The following RNF216 variants were observed in gnomAD, a reference collection of about 807,000 sequenced individuals.
The protein encoded by RNF216 is E3 ubiquitin-protein ligase RNF216.
In RNF216, 72 loss-of-function variants were observed where a neutral mutation model predicts 110.8. The observed-to-expected ratio is 0.65, with a 90% CI of 0.54 to 0.79. The LOEUF is 0.79. RNF216 is among the 30% of genes least tolerant of loss of function. The probability of loss-of-function intolerance (pLI) is 0.00; values close to 1 mark genes in which losing one functional copy is unlikely to be tolerated. For synonymous variants in RNF216, 495 were observed against 407.5 expected (o/e 1.21, Z -2.59); for missense variants, 1,342 against 1,141.2 (o/e 1.18, Z -2.54).
chr7:5,716,822 C>T, intron 9 of RNF216, 56 bp from the exon 10 acceptor site: 2 of 1,315,818 alleles, frequency 1.5e-6, no homozygotes, highest in Non-Finnish European at 2.2e-6. Context: ...ATGACACTAA[C>T]CATTTAGTAT....
intron 10 of RNF216, among the ~76,000 whole-genome samples, chr7:5,716,045 T>C (rs1367565954): frequency 6.6e-6 from 1 of 152,016 alleles, no homozygotes; most frequent in Admixed American, 6.6e-5. Flanking sequence ...CCAGCCCCAT[T>C]CTTTTATTTA....
chr7:5,697,326 C>T (rs1791693243), intron 13 of RNF216, among the ~76,000 whole-genome samples: 3 of 152,352 alleles, frequency 2.0e-5, no homozygotes, highest in South Asian at 4.1e-4. Flanking sequence ...TGCCCTTTCT[C>T]TTTCTTACTC....
intron 8 of RNF216, among the ~76,000 whole-genome samples, chr7:5,721,938 T>C (rs369516612): frequency 6.6e-4 from 100 of 152,366 alleles, no homozygotes; most frequent in African/African-American, 2.1e-3. Flanking sequence ...GATTTTCTTT[T>C]TGGAGACAGA....
At chr7:5,714,844 A>G (rs1197232822) in intron 11 of RNF216, among the ~76,000 whole-genome samples, 1 of 152,200 alleles carries the variant, frequency 6.6e-6, no homozygotes, top group African/African-American at 2.4e-5. Context: ...TAGGCGTGGG[A>G]GTGTGGAAGA....
chr7:5,705,254 A>G (rs543989057), intron 13 of RNF216, among the ~76,000 whole-genome samples: 1 of 152,276 alleles, frequency 6.6e-6, no homozygotes, highest in East Asian at 1.9e-4. Context: ...TGTCTCCCCT[A>G]AAAACTCAAC....
intron 13 of RNF216, among the ~76,000 whole-genome samples, chr7:5,706,910 TAA>T (rs1464288725): frequency 1.3e-5 from 2 of 152,186 alleles, no homozygotes; most frequent in Non-Finnish European, 2.9e-5. Context: ...GTCTTACACT[TAA>T]GTCTTTAATC....
intron 2 of RNF216, among the ~76,000 whole-genome samples, chr7:5,756,470 C>T (rs982174400): frequency 6.6e-6 from 1 of 152,188 alleles, no homozygotes; most frequent in African/African-American, 2.4e-5. Flanking sequence ...TCTTGGTTCC[C>T]TGCAACCTCC....
intron 13 of RNF216, among the ~76,000 whole-genome samples, chr7:5,693,190 C>T (rs1447443778): frequency 6.6e-6 from 1 of 152,234 alleles, no homozygotes; most frequent in African/African-American, 2.4e-5. Flanking sequence ...TATACTGGGA[C>T]ACAGCCACAT....
intron 1 of RNF216, among the ~76,000 whole-genome samples, chr7:5,764,307 T>G (rs779566862): frequency 6.8e-6 from 1 of 147,610 alleles, no homozygotes; most frequent in African/African-American, 2.5e-5. Context: ...AAACCACACA[T>G]AAAAATGTCA....
intron 1 of RNF216, among the ~76,000 whole-genome samples, chr7:5,763,916 C>A (rs905640845): frequency 1.3e-5 from 2 of 152,068 alleles, no homozygotes; most frequent in Non-Finnish European, 2.9e-5. Context: ...CGGCAGGGCA[C>A]GACAGCTCAT....
chr7:5,693,452 G>A (rs542468791), intron 13 of RNF216, among the ~76,000 whole-genome samples: 1 of 152,170 alleles, frequency 6.6e-6, no homozygotes, highest in South Asian at 2.1e-4. Context: ...CCCTGCTGAT[G>A]GGTATTGCAT....
intron 7 of RNF216, among the ~76,000 whole-genome samples, chr7:5,727,553 C>G (rs1188406811): frequency 6.6e-6 from 1 of 151,970 alleles, no homozygotes; most frequent in Non-Finnish European, 1.5e-5. Flanking sequence ...CTAGCAAGAC[C>G]CCATTTCTAC....
intron 5 of RNF216, among the ~76,000 whole-genome samples, chr7:5,738,613 CAGG>C (rs942591860): frequency 2.8e-5 from 4 of 144,268 alleles, no homozygotes; most frequent in African/African-American, 1.0e-4. Context: ...GAGGCTGAGG[CAGG>C]AGAATGGCCT....
chr7:5,756,896 A>G (rs1016221773), intron 2 of RNF216, among the ~76,000 whole-genome samples: 12 of 152,276 alleles, frequency 7.9e-5, no homozygotes, highest in African/African-American at 2.4e-4. Context: ...TTGGCCTTCC[A>G]AAGTGCTGGC....
intron 2 of RNF216, among the ~76,000 whole-genome samples, chr7:5,753,264 T>G (rs946726295): frequency 6.6e-6 from 1 of 152,360 alleles, no homozygotes; most frequent in East Asian, 1.9e-4. Context: ...CAAAATTTTC[T>G]TGACTGCCAA....
At chr7:5,726,641 T>A (rs557826712) in intron 7 of RNF216, among the ~76,000 whole-genome samples, 1 of 152,088 alleles carries the variant, frequency 6.6e-6, no homozygotes, top group Non-Finnish European at 1.5e-5. Context: ...GTGGATCACC[T>A]GAGGTCAGGT....
intron 13 of RNF216, among the ~76,000 whole-genome samples, chr7:5,663,864 C>T (rs1466691124): frequency 6.6e-6 from 1 of 152,124 alleles, no homozygotes; most frequent in Admixed American, 6.6e-5. Context: ...TGCCACTGTA[C>T]TCCAGCCTGG....
chr7:5,676,388 G>A (rs950028758), intron 13 of RNF216, among the ~76,000 whole-genome samples: 1 of 152,216 alleles, frequency 6.6e-6, no homozygotes, highest in Admixed American at 6.5e-5. Context: ...ACAAAACAAA[G>A]CTGCCCTTAA....
intron 2 of RNF216, among the ~76,000 whole-genome samples, chr7:5,757,277 T>C (rs1446920873): frequency 1.3e-5 from 2 of 152,208 alleles, no homozygotes; most frequent in African/African-American, 4.8e-5. Flanking sequence ...TATTTTCCTA[T>C]CATGTTACTA....
Sources: gnomAD v4.1 joint callset for allele counts (sites outside exome capture counted in the v4.1 genomes callset) on GRCh38, gnomAD v4.1.1 for gene constraint, MANE v1.5 for transcripts, NCBI Gene and HGNC (gene_info 2026-07-23, HGNC 2026-07-21) for gene names.